The following TENM2 variants were observed in gnomAD, a reference collection of about 807,000 sequenced individuals.
TENM2 encodes teneurin transmembrane protein 2.
In TENM2, 52 loss-of-function variants were observed where a neutral mutation model predicts 245.2. The observed-to-expected ratio is 0.21, with a 90% CI of 0.17 to 0.27. TENM2 has a LOEUF of 0.27. TENM2 is among the 10% of genes least tolerant of loss of function. The probability of loss-of-function intolerance (pLI) is 1.00; values close to 1 mark genes in which losing one functional copy is unlikely to be tolerated. For missense variants in TENM2, 3,046 were observed against 3,666.8 expected, an observed-to-expected ratio of 0.83 and a Z score of 4.37; for synonymous variants, 1,363 against 1,438.9, an observed-to-expected ratio of 0.95 and a Z score of 1.19.
chr5:167,691,043 CTT>C (rs1174000665), intron 2 of TENM2, among the ~76,000 whole-genome samples: 1 of 150,896 alleles, frequency 6.6e-6, no homozygotes, highest in Non-Finnish European at 1.5e-5. Flanking sequence ...TAACCAGAAA[CTT>C]TGAAGACAAA....
chr5:167,773,304 TC>T (rs1319069371), intron 2 of TENM2, among the ~76,000 whole-genome samples: 1 of 152,202 alleles, frequency 6.6e-6, no homozygotes, highest in East Asian at 1.9e-4. Flanking sequence ...GATGCAAACA[TC>T]CCTGTATCCA....
the TENM2 span, among the ~76,000 whole-genome samples, chr5:167,071,878 G>GGCCCCCCCCCC: frequency 2.4e-5 from 3 of 124,026 alleles, no homozygotes; most frequent in Non-Finnish European, 5.1e-5. Flanking sequence ...TTGACAAATC[G>GGCCCCCCCCCC]CCCCCCCCCG....
At chr5:167,087,449 TC>T in the TENM2 span, among the ~76,000 whole-genome samples, 1 of 152,194 alleles carries the variant, frequency 6.6e-6, no homozygotes, top group South Asian at 2.1e-4. Context: ...TTCTATTATT[TC>T]CTCTCCAAGT....
chr5:167,092,412 C>T, the TENM2 span, among the ~76,000 whole-genome samples: 1 of 152,032 alleles, frequency 6.6e-6, no homozygotes, highest in African/African-American at 2.4e-5. Flanking sequence ...CTGGTCCTTT[C>T]TAGGAAAGCT....
chr5:167,111,848 AT>A, the TENM2 span, among the ~76,000 whole-genome samples: 11 of 152,164 alleles, frequency 7.2e-5, no homozygotes, highest in Admixed American at 7.2e-4. Flanking sequence ...GTCCTTTCTT[AT>A]TGTTTTCATT....
chr5:167,454,515 C>G (rs1312617144), intron 2 of TENM2, among the ~76,000 whole-genome samples: 1 of 151,368 alleles, frequency 6.6e-6, no homozygotes, highest in African/African-American at 2.4e-5. Context: ...TTTCTCATCT[C>G]TGTGTGTGTG....
chr5:167,462,175 A>ACCCCCCCCCCCCCCCCCCCCCCCC (rs1475191708), intron 2 of TENM2, among the ~76,000 whole-genome samples: 1 of 52,902 alleles, frequency 1.9e-5, no homozygotes, highest in Non-Finnish European at 3.6e-5. Flanking sequence ...GAGTTCCCTG[A>ACCCCCCCCCCCCCCCCCCCCCCCC]CCCCCACCCC....
chr5:167,531,508 T>C (rs189486439), intron 2 of TENM2, among the ~76,000 whole-genome samples: 1 of 152,152 alleles, frequency 6.6e-6, no homozygotes, highest in East Asian at 1.9e-4. Context: ...ACATTTAAGA[T>C]ACTCTCTCAG....
chr5:168,089,629 C>T (rs1792751168), intron 7 of TENM2, among the ~76,000 whole-genome samples: 1 of 152,126 alleles, frequency 6.6e-6, no homozygotes, highest in African/African-American at 2.4e-5. Flanking sequence ...AGGGCATGAA[C>T]ATAAACACCA....
rs3733987 is a variant in TENM2 at position 168,247,146 on chromosome 5, C to T, written c.6207C>T (p.Gly2069=). 921 of 1,613,834 alleles carry T rather than the reference C, an allele frequency of 5.7e-4. 12 individuals carry two copies. In the East Asian group the frequency reaches 0.018, roughly 32 times the overall value. The change falls in exon 27 of 29, where the codon GGC becomes GGT. Residue 2069 remains glycine (G), a synonymous_variant. Coordinates refer to ENST00000518659, the Ensembl canonical transcript of TENM2. The surrounding 1 kb of genome is among the most constrained non-coding windows in gnomAD (Gnocchi z 7.8). ...GCACCATCAGGTACCGGAAGATTGG[C>T]CCCCTGGTGGACAAGCAGATCTACA...
At chr5:168,167,399 G>T (rs980466226) in intron 13 of TENM2, among the ~76,000 whole-genome samples, 2 of 152,090 alleles carry the variant, frequency 1.3e-5, no homozygotes, top group Non-Finnish European at 2.9e-5. Context: ...TGAACTTAGA[G>T]TCAGGAGCCC....
intron 3 of TENM2, among the ~76,000 whole-genome samples, chr5:167,906,688 C>T (rs1776105642): frequency 6.6e-6 from 1 of 152,156 alleles, no homozygotes; most frequent in South Asian, 2.1e-4. Flanking sequence ...GAGCGCCATT[C>T]ACGTTGTTTT....
intron 2 of TENM2, among the ~76,000 whole-genome samples, chr5:167,658,836 A>G (rs1257323188): frequency 6.6e-6 from 1 of 152,214 alleles, no homozygotes; most frequent in Non-Finnish European, 1.5e-5. Flanking sequence ...TGTAGCAAGA[A>G]TAATAGCAAG....
At chr5:167,256,991 T>C in the TENM2 span, among the ~76,000 whole-genome samples, 2 of 152,114 alleles carry the variant, frequency 1.3e-5, no homozygotes, top group African/African-American at 2.4e-5. Flanking sequence ...TCCCTCTGTA[T>C]ACTTGGAAAA....
At chr5:168,232,212 G>A (rs1562313515) in intron 25 of TENM2, 1 of 152,326 alleles carries the variant, frequency 6.6e-6, no homozygotes, top group South Asian at 2.1e-4. Flanking sequence ...TAGCAGCGAG[G>A]AAAGAAAGAA....
Position 168,070,814 on chromosome 5 carries a change from AGAGAG to A in TENM2, c.1515+8550_1515+8554del, listed in dbSNP as rs762575611. On this transcript the variant is annotated intron_variant, in intron 7 of 28. Transcript: ENST00000518659. ...AAGAAAGAGAGAGAGAGAGAGAGAGAGAGAGAAAAAAAGAAAGAAGAAAAAGAAAA... is the reference window on the plus strand; with the variant it reads ...AAGAAAGAGAGAGAGAGAGAGAGAGAAAAAAAAGAAAGAAGAAAAAGAAAA... 7.4e-5 allele frequency among the ~76,000 whole-genome samples: 10 copies of A among 135,424 alleles called. No individual in the cohort carries two copies. The South Asian group carries it at 8.8e-4, about 12-fold the overall frequency. 88.8% of individuals were successfully genotyped at this position (135,424 alleles called of 152,430 possible).
chr5:168,002,074 T>C (rs1037613624), intron 5 of TENM2, among the ~76,000 whole-genome samples: 14 of 152,376 alleles, frequency 9.2e-5, no homozygotes, highest in African/African-American at 3.1e-4. Context: ...TTATAAGATA[T>C]GTAATATGTG....
chr5:167,698,517 A>G (rs1184847535), intron 2 of TENM2, among the ~76,000 whole-genome samples: 1 of 152,012 alleles, frequency 6.6e-6, no homozygotes, highest in African/African-American at 2.4e-5. Flanking sequence ...CCACCTACCC[A>G]GGTCCTGGTC....
At chr5:167,601,823 A>G (rs1776654754) in intron 2 of TENM2, among the ~76,000 whole-genome samples, 1 of 152,170 alleles carries the variant, frequency 6.6e-6, no homozygotes, top group South Asian at 2.1e-4. Flanking sequence ...AATTGCAAAC[A>G]CATTTTCCCC....
Sources: gnomAD v4.1 joint callset for allele counts (sites outside exome capture counted in the v4.1 genomes callset) on GRCh38, gnomAD v4.1.1 for gene constraint, Gnocchi (gnomAD v3.1) non-coding constraint, MANE v1.5 for transcripts, NCBI Gene and HGNC (gene_info 2026-07-23, HGNC 2026-07-21) for gene names.